AGMO: variants seen among roughly 807,000 people sequenced by gnomAD.
AGMO encodes glyceryl-ether monooxygenase.
AGMO carries 75 observed loss-of-function variants against 60.2 expected under a neutral mutation model. The ratio of observed to expected loss-of-function variants is 1.25; its 90% CI spans 1.03 to 1.51. The LOEUF is 1.51. Among genes scored for constraint, AGMO ranks in the 40% most tolerant of loss-of-function variants. The pLI is 0.00. For missense variants in AGMO, 763 were observed against 525.5 expected (o/e 1.45, Z -4.42); for synonymous variants, 261 against 177.1 (o/e 1.47, Z -3.76).
intron 3 of AGMO, among the ~76,000 whole-genome samples, chr7:15,452,595 G>A (rs543497330): frequency 1.1e-3 from 163 of 152,324 alleles, no homozygotes; most frequent in African/African-American, 3.6e-3. Flanking sequence ...AAATGTTAGT[G>A]AGGATGTGGA....
At chr7:15,512,997 C>T (rs1783713284) in intron 3 of AGMO, among the ~76,000 whole-genome samples, 1 of 152,114 alleles carries the variant, frequency 6.6e-6, no homozygotes, top group African/African-American at 2.4e-5. Context: ...ATTTGCATGT[C>T]ACTTAAAATT....
At chr7:15,127,455 T>C in the AGMO span, among the ~76,000 whole-genome samples, 1 of 152,096 alleles carries the variant, frequency 6.6e-6, no homozygotes, top group African/African-American at 2.4e-5. Flanking sequence ...ATCTAGTATA[T>C]GTTGACAGTT....
intron 3 of AGMO, among the ~76,000 whole-genome samples, chr7:15,505,737 A>G (rs932816290): frequency 8.6e-5 from 13 of 152,036 alleles, no homozygotes; most frequent in African/African-American, 2.7e-4. Flanking sequence ...ATTTTGGATA[A>G]TTTCTGTTTC....
intron 3 of AGMO, among the ~76,000 whole-genome samples, chr7:15,484,695 A>G (rs1371282689): frequency 6.6e-6 from 1 of 152,250 alleles, no homozygotes; most frequent in Non-Finnish European, 1.5e-5. Flanking sequence ...CTAGTTCTAG[A>G]AAAGTACTAG....
intron 12 of AGMO, among the ~76,000 whole-genome samples, chr7:15,235,409 A>T (rs1460960676): frequency 1.3e-5 from 2 of 152,134 alleles, no homozygotes; most frequent in African/African-American, 4.8e-5. Flanking sequence ...AATGGAATTC[A>T]ACTATTTGCT....
intron 12 of AGMO, among the ~76,000 whole-genome samples, chr7:15,284,774 A>G (rs1052598542): frequency 2.6e-5 from 4 of 152,042 alleles, no homozygotes; most frequent in African/African-American, 9.7e-5. Context: ...CAACAACAAC[A>G]AAAAAGAAAA....
intron 2 of AGMO, among the ~76,000 whole-genome samples, chr7:15,548,108 G>A (rs1270536390): frequency 6.6e-6 from 1 of 151,592 alleles, no homozygotes; most frequent in Non-Finnish European, 1.5e-5. Context: ...TGACGGTCAT[G>A]TCTGTTAGAA....
At chr7:15,546,763 G>A (rs186395078) in intron 2 of AGMO, among the ~76,000 whole-genome samples, 59 of 152,364 alleles carry the variant, frequency 3.9e-4, no homozygotes, top group African/African-American at 1.4e-3. Flanking sequence ...ATGAAGGTAT[G>A]CTAGTCAAAG....
chr7:15,555,339 A>C (rs1785105588), intron 2 of AGMO, among the ~76,000 whole-genome samples: 1 of 146,380 alleles, frequency 6.8e-6, no homozygotes, highest in Non-Finnish European at 1.5e-5. Flanking sequence ...ACACACACAT[A>C]TGTAAAGAGA....
chr7:15,531,721 G>T (rs10232565), intron 3 of AGMO, among the ~76,000 whole-genome samples: 2 of 144,766 alleles, frequency 1.4e-5, no homozygotes, highest in Admixed American at 1.5e-4. Context: ...TACAATCTAG[G>T]CTCATCGCAC....
intron 3 of AGMO, among the ~76,000 whole-genome samples, chr7:15,524,443 A>G (rs1784073262): frequency 6.6e-6 from 1 of 152,194 alleles, no homozygotes; most frequent in African/African-American, 2.4e-5. Flanking sequence ...CTAAAGTTTA[A>G]TTGGTAATTA....
chr7:15,547,363 C>T (rs1404924991), intron 2 of AGMO, among the ~76,000 whole-genome samples: 1 of 152,002 alleles, frequency 6.6e-6, no homozygotes. Context: ...CCAGCATGAG[C>T]GACGCAGAAG....
chr7:15,203,516 T>TTGC (rs1190407808), intron 12 of AGMO, among the ~76,000 whole-genome samples: 2 of 152,038 alleles, frequency 1.3e-5, no homozygotes, highest in African/African-American at 2.4e-5. Context: ...TGTTTTTTTT[T>TTGC]TTGCTTGCTT....
the AGMO span, among the ~76,000 whole-genome samples, chr7:15,140,308 C>T: frequency 6.6e-6 from 1 of 152,100 alleles, no homozygotes; most frequent in Non-Finnish European, 1.5e-5. Flanking sequence ...AACTGTCAGT[C>T]AAATTAATAC....
In AGMO at chr7:15,367,740, T is replaced by C. The variant is rs1783041606; in HGVS notation, c.1075-1518A>G. Among the ~76,000 whole-genome samples the C allele has an allele frequency of 1.3e-5, 2 of 152,106 alleles. 1 individual carries two copies. Among genetic ancestry groups the C allele is most frequent in the Admixed American group, 1.3e-4 (2 of 15,228 alleles). ...CACAGTTCCTGGATGAGTTCCCTAC[T>C]CACTGGTGGAGCTTAAGTTCCATCT... is the stretch of plus-strand genomic sequence containing the variant. On this transcript the variant is annotated intron_variant, in intron 10 of 12. Coordinates refer to ENST00000342526, the MANE Select transcript of AGMO (RefSeq NM_001004320.2).
chr7:15,264,590 A>C (rs1563060379), intron 12 of AGMO, among the ~76,000 whole-genome samples: 1 of 152,096 alleles, frequency 6.6e-6, no homozygotes, highest in African/African-American at 2.4e-5. Flanking sequence ...TAAAGCAAAA[A>C]CCAAAAAATC....
intron 3 of AGMO, among the ~76,000 whole-genome samples, chr7:15,524,862 CAA>C (rs5882524): frequency 3.7e-5 from 5 of 135,526 alleles, no homozygotes; most frequent in Non-Finnish European, 3.1e-5. Context: ...AATTCCATCT[CAA>C]AAAAAAAAAA....
chr7:15,395,515 T>C (rs1167399236), intron 5 of AGMO, among the ~76,000 whole-genome samples: 1 of 152,132 alleles, frequency 6.6e-6, no homozygotes, highest in Non-Finnish European at 1.5e-5. Flanking sequence ...ACATTGTCAT[T>C]TTGTTAGAAA....
rs538900228 is a variant in AGMO at position 15,458,047 on chromosome 7, G to C, written c.410-26939C>G. ...TGCTTATTCTCTCACTTGCCTACAA[G>C]AAAGCATCACTTGATTTACCAAAGT... On this transcript the variant is annotated intron_variant, in intron 3 of 12. Coordinates refer to ENST00000342526, the MANE Select transcript of AGMO (RefSeq NM_001004320.2). Among the ~76,000 whole-genome samples, 3 of 152,244 alleles carry C rather than the reference G, an allele frequency of 2.0e-5. No individual in the cohort carries two copies. The East Asian group carries it at 5.8e-4, about 29-fold the overall frequency.
Sources: gnomAD v4.1 joint callset for allele counts (sites outside exome capture counted in the v4.1 genomes callset) on GRCh38, gnomAD v4.1.1 for gene constraint, MANE v1.5 for transcripts, NCBI Gene and HGNC (gene_info 2026-07-23, HGNC 2026-07-21) for gene names.